KCNQ1: variants seen among roughly 807,000 people sequenced by gnomAD.
KCNQ1 encodes the protein potassium voltage-gated channel subfamily KQT member 1.
Under a neutral mutation model 72.4 loss-of-function variants are expected in KCNQ1, and 49 were observed. That is an observed-to-expected ratio of 0.68 (90% confidence interval 0.54 to 0.86). KCNQ1 has a LOEUF of 0.86. Ranked by LOEUF, KCNQ1 falls within the 40% of genes least tolerant of loss-of-function variation. KCNQ1 has a pLI of 0.00. For missense variants in KCNQ1, 790 were observed against 945.1 expected, an observed-to-expected ratio of 0.84 and a Z score of 2.15; for synonymous variants, 450 against 412.6, an observed-to-expected ratio of 1.09 and a Z score of -1.10.
Position 2,752,696 on chromosome 11 carries a change from G to A in KCNQ1, c.1515-16148G>A, listed in dbSNP as rs754585722. Among the ~76,000 whole-genome samples, 10 of 152,088 alleles carry A rather than the reference G, an allele frequency of 6.6e-5. No homozygotes were observed. Among genetic ancestry groups the A allele is most frequent in the African/African-American group, 2.2e-4 (9 of 41,426 alleles). ...TCCTGAAGGCTCTGCCCTCACGGCC[G>A]AATCACCTCTCAAATGCGCCATCTC... On this transcript the variant is annotated intron_variant, in intron 11 of 15. Coordinates refer to ENST00000155840, the MANE Select transcript of KCNQ1 (RefSeq NM_000218.3). This position sits in a 1 kb window ranked among gnomAD's most constrained non-coding sequence, Gnocchi z 5.2.
At chr11:2,505,969 A>C (rs1219865470) in intron 1 of KCNQ1, among the ~76,000 whole-genome samples, 2 of 152,102 alleles carry the variant, frequency 1.3e-5, no homozygotes, top group Non-Finnish European at 2.9e-5. Flanking sequence ...CAGACTTTAC[A>C]TTTTCATAAA....
chr11:2,834,291 G>A (rs1181501815), intron 15 of KCNQ1, among the ~76,000 whole-genome samples: 1 of 152,178 alleles, frequency 6.6e-6, no homozygotes, highest in Non-Finnish European at 1.5e-5. Context: ...TGTCCAGGTG[G>A]GGCAGATCAT....
At position 2,602,241 on chromosome 11, in the gene KCNQ1, AAGACTCTTTTC is replaced by A. The variant is rs1471814715; in HGVS notation, c.1393+13393_1393+13403del. ...CTGACACCTTGATTTTTCGTCCCCT[AAGACTCTTTTC>A]AGACTTCTGGCCTCTAGAACTGTGA... is the stretch of plus-strand genomic sequence containing the variant. On this transcript the variant is annotated intron_variant, in intron 10 of 15. Coordinates refer to ENST00000155840, the MANE Select transcript of KCNQ1 (RefSeq NM_000218.3). This position sits in a 1 kb window ranked among gnomAD's most constrained non-coding sequence, Gnocchi z 4.8. Among the ~76,000 whole-genome samples the A allele has an allele frequency of 2.0e-5, 3 of 152,042 alleles. No homozygotes were observed. Among genetic ancestry groups the A allele is most frequent in the Non-Finnish European group, 4.4e-5 (3 of 68,022 alleles).
At chr11:2,448,155 G>A (rs1846072243) in intron 1 of KCNQ1, among the ~76,000 whole-genome samples, 1 of 152,360 alleles carries the variant, frequency 6.6e-6, no homozygotes, top group South Asian at 2.1e-4. Flanking sequence ...GTGAGCCTTA[G>A]CCAGGGGTGT....
intron 10 of KCNQ1, among the ~76,000 whole-genome samples, chr11:2,594,316 C>T (rs1001034451): frequency 1.3e-5 from 2 of 152,126 alleles, no homozygotes; most frequent in African/African-American, 2.4e-5. Flanking sequence ...TTGTAAGTGA[C>T]CCTCCCTACC....
In KCNQ1 at chr11:2,598,769, C is replaced by T. The variant is rs1294534578; in HGVS notation, c.1393+9915C>T. On this transcript the variant is annotated intron_variant, in intron 10 of 15. Transcript: ENST00000155840. The surrounding 1 kb of genome is among the most constrained non-coding windows in gnomAD (Gnocchi z 6.2). ...CTTTAGGGTCATAGCCCAGCTCTGC[C>T]ATTTTCTTATGTGGCCCTAAGCAAG... Among the ~76,000 whole-genome samples the T allele has an allele frequency of 6.6e-6, 1 of 152,212 alleles. No homozygotes were observed. Among genetic ancestry groups the T allele is most frequent in the Non-Finnish European group, 1.5e-5 (1 of 68,026 alleles).
chr11:2,770,568 C>G (rs1295562147), intron 12 of KCNQ1, among the ~76,000 whole-genome samples: 1 of 152,258 alleles, frequency 6.6e-6, no homozygotes, highest in Admixed American at 6.5e-5. Context: ...CCACCTGCAT[C>G]CCCCCAGGGA....
intron 15 of KCNQ1, among the ~76,000 whole-genome samples, chr11:2,780,160 A>G (rs1274999017): frequency 6.6e-6 from 1 of 152,158 alleles, no homozygotes; most frequent in Non-Finnish European, 1.5e-5. Context: ...CTGGCTGCCC[A>G]TCAAGGAGTT....
At chr11:2,530,320 C>G (rs1161152797) in intron 2 of KCNQ1, among the ~76,000 whole-genome samples, 1 of 152,276 alleles carries the variant, frequency 6.6e-6, no homozygotes, top group Non-Finnish European at 1.5e-5. Context: ...GGCCAACTGA[C>G]AGGGTTGGCT....
In KCNQ1 at chr11:2,563,281, C is replaced by T. The variant is rs150651598; in HGVS notation, c.478-7347C>T. 3.9e-5 allele frequency among the ~76,000 whole-genome samples: 6 copies of T among 152,296 alleles called. No individual in the cohort carries two copies. The highest frequency in any genetic ancestry group is 6.5e-5 in the Admixed American group (1 of 15,300). On this transcript the variant is annotated intron_variant, in intron 2 of 15. Coordinates refer to ENST00000155840, the MANE Select transcript of KCNQ1 (RefSeq NM_000218.3). This position sits in a 1 kb window ranked among gnomAD's most constrained non-coding sequence, Gnocchi z 7.4. ...GACCTTCAGCCTTCTCGGAGAACAC[C>T]GGTTCCACGGCCGGTTGCAACACGT...
At position 2,817,405 on chromosome 11, in the gene KCNQ1, C is replaced by CT. The variant is rs370367579; in HGVS notation, c.1795-30360dup. 6.6e-6 allele frequency among the ~76,000 whole-genome samples: 1 copy of CT among 152,136 alleles called. No homozygotes were observed. The highest frequency in any genetic ancestry group is 1.5e-5 in the Non-Finnish European group (1 of 68,030). ...ACACCAGTGCCCCCTGACCCCCAGC[C>CT]TTGTGCAGACACTGATACCCTTAGG... On this transcript the variant is annotated intron_variant, in intron 15 of 15. Coordinates refer to ENST00000155840, the MANE Select transcript of KCNQ1 (RefSeq NM_000218.3). The surrounding 1 kb of genome is among the most constrained non-coding windows in gnomAD (Gnocchi z 6.1).
intron 11 of KCNQ1, chr11:2,685,572 C>A: frequency 2.5e-6 from 1 of 398,680 alleles, no homozygotes; most frequent in East Asian, 3.6e-5. Context: ...CTTGGCCCTT[C>A]CATACAGCAC....
At position 2,679,401 on chromosome 11, in the gene KCNQ1, G is replaced by A. The variant is rs191695559; in HGVS notation, c.1514+17320G>A. On this transcript the variant is annotated intron_variant, in intron 11 of 15. Transcript: ENST00000155840. This position sits in a 1 kb window ranked among gnomAD's most constrained non-coding sequence, Gnocchi z 4.8. ...TCTCAGTTTCTTTATTTGTAAAATG[G>A]GAATCATAAGAGTACCTTCCTCAGA... 59 of 398,604 alleles carry A rather than the reference G, an allele frequency of 1.5e-4. No homozygotes were observed. The highest frequency in any genetic ancestry group is 1.0e-3 in the African/African-American group (50 of 48,748). 24.7% of individuals were successfully genotyped at this position (398,604 alleles called of 1,614,324 possible). A position where few individuals can be genotyped will look rare whatever the true frequency, so the allele number is the denominator to read the frequency against.
chr11:2,539,671 C>T (rs1847792399), intron 2 of KCNQ1, among the ~76,000 whole-genome samples: 1 of 152,234 alleles, frequency 6.6e-6, no homozygotes, highest in Non-Finnish European at 1.5e-5. Context: ...CCCGTGTTTT[C>T]TCTCCCGCCT....
At chr11:2,523,446 C>T (rs973674221) in intron 1 of KCNQ1, among the ~76,000 whole-genome samples, 9 of 152,324 alleles carry the variant, frequency 5.9e-5, no homozygotes, top group African/African-American at 1.7e-4. Context: ...GCAATCCTCC[C>T]GCCTCGGCCT....
intron 10 of KCNQ1, chr11:2,649,129 G>A (rs1849718314): frequency 5.0e-6 from 2 of 397,440 alleles, no homozygotes; most frequent in African/African-American, 4.1e-5. Context: ...TTTCTTATAG[G>A]CAGCATGTAA....
chr11:2,576,352 C>T (rs927372333), intron 6 of KCNQ1, among the ~76,000 whole-genome samples: 1 of 152,200 alleles, frequency 6.6e-6, no homozygotes, highest in Non-Finnish European at 1.5e-5. Context: ...CTGAGTGTGG[C>T]GCCTGCCCTG....
At chr11:2,631,930 C>A in intron 10 of KCNQ1, 1 of 397,326 alleles carries the variant, frequency 2.5e-6, no homozygotes, top group Non-Finnish European at 4.4e-6. Context: ...CGCCTGTAAT[C>A]CCAGCACTTT....
chr11:2,775,834 C>T (rs910733945), intron 12 of KCNQ1, 126 bp from the exon 13 acceptor site: 18 of 893,416 alleles, frequency 2.0e-5, no homozygotes, highest in Non-Finnish European at 3.2e-5. Context: ...CTTATGCCAT[C>T]ACCACATAGG....
Sources: allele counts gnomAD v4.1 joint callset (sites outside exome capture counted in the v4.1 genomes callset), GRCh38; gene constraint gnomAD v4.1.1; non-coding constraint Gnocchi (gnomAD v3.1); transcripts MANE v1.5; gene names NCBI Gene and HGNC (gene_info 2026-07-23, HGNC 2026-07-21).